The following CCDC149 variants were observed in gnomAD, a reference collection of about 807,000 sequenced individuals.
The protein encoded by CCDC149 is coiled-coil domain containing 149.
CCDC149 carries 45 observed loss-of-function variants against 59.9 expected under a neutral mutation model. The observed-to-expected ratio is 0.75, with a 90% CI of 0.59 to 0.96. CCDC149 has a LOEUF of 0.96. Among genes scored for constraint, CCDC149 ranks in the 40% least tolerant of loss-of-function variants. CCDC149 has a pLI of 0.00. For synonymous variants in CCDC149, 245 were observed against 260.6 expected (o/e 0.94, Z 0.58); for missense variants, 584 against 664.7 (o/e 0.88, Z 1.33).
chr4:24,813,700 C>T (rs1388259582), intron 12 of CCDC149, among the ~76,000 whole-genome samples: 1 of 151,772 alleles, frequency 6.6e-6, no homozygotes, highest in Non-Finnish European at 1.5e-5. Context: ...TGGTGTTGAG[C>T]ATTTCTTAAT....
At position 24,808,138 on chromosome 4, in the gene CCDC149, G is replaced by A. The variant is rs1049267678; in HGVS notation, c.*251C>T. ...TATGGTGGACACGATTCCTGGGCCTGGCCCTGTTCACAGTAGCACTCTCTG... is the reference window on the plus strand; with the variant it reads ...TATGGTGGACACGATTCCTGGGCCTAGCCCTGTTCACAGTAGCACTCTCTG... On this transcript the variant is annotated 3_prime_UTR_variant, in exon 13 of 13. Transcript: ENST00000635206. 8.8e-6 allele frequency: 3 copies of A among 339,006 alleles called. No homozygotes were observed. The highest frequency in any genetic ancestry group is 4.2e-5 in the African/African-American group (2 of 47,408). The allele number at this position is 339,006 out of a possible 1,614,324, so 21.0% of individuals were successfully genotyped here.
intron 6 of CCDC149, among the ~76,000 whole-genome samples, chr4:24,836,904 T>C (rs1242691251): frequency 6.6e-6 from 1 of 152,154 alleles, no homozygotes; most frequent in Non-Finnish European, 1.5e-5. Flanking sequence ...TAAGGGAATT[T>C]CTCAATTCAT....
chr4:24,977,063 G>T (rs946144752), intron 1 of CCDC149, among the ~76,000 whole-genome samples: 1 of 152,166 alleles, frequency 6.6e-6, no homozygotes, highest in African/African-American at 2.4e-5. Flanking sequence ...TGTGGTTTCT[G>T]CTTGCCCGGG....
chr4:24,950,061 G>C (rs1723239283), intron 1 of CCDC149, among the ~76,000 whole-genome samples: 1 of 152,184 alleles, frequency 6.6e-6, no homozygotes, highest in Non-Finnish European at 1.5e-5. Context: ...ATCTCTGCAG[G>C]GGTCACCCCT....
At position 24,806,470 on chromosome 4, in the gene CCDC149, T is replaced by G. The variant is rs1346578074; in HGVS notation, c.*1919A>C. ...CTGAAGATGTGCATCTGGCCGATGG[T>G]GGGTCAAAACCAGAGTTCTGCAGGC... On this transcript the variant is annotated 3_prime_UTR_variant, in exon 13 of 13. Coordinates refer to ENST00000635206, the MANE Select transcript of CCDC149 (RefSeq NM_001330643.2). 1 of 152,230 alleles carries G rather than the reference T, an allele frequency of 6.6e-6. No homozygotes were observed. Among genetic ancestry groups the G allele is most frequent in the Non-Finnish European group, 1.5e-5 (1 of 68,058 alleles). The allele number at this position is 152,230 out of a possible 1,614,324, so 9.4% of individuals were successfully genotyped here. A position where few individuals can be genotyped will look rare whatever the true frequency, so the allele number is the denominator to read the frequency against.
intron 12 of CCDC149, among the ~76,000 whole-genome samples, chr4:24,816,740 C>A (rs189457109): frequency 6.6e-6 from 1 of 152,016 alleles, no homozygotes; most frequent in African/African-American, 2.4e-5. Context: ...ATGCAATCAA[C>A]GGCTACAAAC....
chr4:24,808,829 G>T lies in CCDC149; in HGVS notation c.1193-10C>A. On this transcript the variant is annotated splice_polypyrimidine_tract_variant and intron_variant, in intron 12 of 12. Coordinates refer to ENST00000635206, the MANE Select transcript of CCDC149 (RefSeq NM_001330643.2). ...TGCTTCTGAGCCTCCCCTGAAAACAGAACGAGGACAACATTAAACCTCTGG... is the reference window on the plus strand; with the variant it reads ...TGCTTCTGAGCCTCCCCTGAAAACATAACGAGGACAACATTAAACCTCTGG... 6.5e-7 allele frequency: 1 copy of T among 1,538,958 alleles called. No individual in the cohort carries two copies. The highest frequency in any genetic ancestry group is 1.2e-5 in the South Asian group (1 of 81,894).
At chr4:24,891,846 T>A (rs1016450713) in intron 1 of CCDC149, among the ~76,000 whole-genome samples, 4 of 151,826 alleles carry the variant, frequency 2.6e-5, no homozygotes, top group East Asian at 1.9e-4. Context: ...AATTTTTTTT[T>A]AAATTAGCTG....
At chr4:24,936,585 G>T (rs573057269) in intron 1 of CCDC149, among the ~76,000 whole-genome samples, 57 of 152,052 alleles carry the variant, frequency 3.7e-4, no homozygotes, top group Admixed American at 9.2e-4. Context: ...TCCTCTTTCC[G>T]CTTTCTTGAA....
At chr4:24,958,607 C>T (rs1430822821) in intron 1 of CCDC149, among the ~76,000 whole-genome samples, 1 of 152,162 alleles carries the variant, frequency 6.6e-6, no homozygotes, top group South Asian at 2.1e-4. Context: ...TCAACTCTAA[C>T]TTCCAGAGAT....
intron 1 of CCDC149, among the ~76,000 whole-genome samples, chr4:24,958,361 A>G (rs1723533774): frequency 1.3e-5 from 2 of 152,190 alleles, no homozygotes; most frequent in Admixed American, 1.3e-4. Context: ...GCAGTGCCTC[A>G]GACTACCTAT....
At position 24,838,391 on chromosome 4, in the gene CCDC149, A is replaced by G; in HGVS notation, c.373-119T>C. ...GATACTTTCAAGAAATACTGGAGAAAGCACAAAACAATTACTTGCCAGTAT... is the reference window on the plus strand; with the variant it reads ...GATACTTTCAAGAAATACTGGAGAAGGCACAAAACAATTACTTGCCAGTAT... On this transcript the variant is annotated intron_variant, in intron 4 of 12. Transcript: ENST00000635206. 4.2e-6 allele frequency: 3 copies of G among 708,022 alleles called. No individual in the cohort carries two copies. The South Asian group carries it at 5.0e-5, about 12-fold the overall frequency. The allele number at this position is 708,022 out of a possible 1,614,324, so 43.9% of individuals were successfully genotyped here.
chr4:24,847,874 A>T (rs2109169876), intron 4 of CCDC149, among the ~76,000 whole-genome samples: 1 of 152,284 alleles, frequency 6.6e-6, no homozygotes, highest in East Asian at 1.9e-4. Context: ...TGGTAACCTG[A>T]CATTTGTCAT....
Position 24,895,516 on chromosome 4 carries a change from T to C in CCDC149, c.63+17301A>G, listed in dbSNP as rs117066344. ...TCTAAATTTGGAGGGTGCAGTGAAT[T>C]TACATTGCTCGGTGTTTAAAGTTAA... On this transcript the variant is annotated intron_variant, in intron 1 of 12. Transcript: ENST00000635206. Among the ~76,000 whole-genome samples, 200 of 152,288 alleles carry C rather than the reference T, an allele frequency of 1.3e-3. 7 individuals are homozygous for C. In the East Asian group the frequency reaches 0.03, roughly 23 times the overall value.
intron 1 of CCDC149, among the ~76,000 whole-genome samples, chr4:24,952,789 T>A (rs2109356165): frequency 6.6e-6 from 1 of 151,506 alleles, no homozygotes; most frequent in South Asian, 2.1e-4. Context: ...ACTCTTTTTA[T>A]CTTGCAAAAC....
intron 3 of CCDC149, among the ~76,000 whole-genome samples, chr4:24,856,348 C>G (rs1718007674): frequency 6.6e-6 from 1 of 152,122 alleles, no homozygotes; most frequent in African/African-American, 2.4e-5. Context: ...GAATGGGTGA[C>G]ATTACATTAA....
chr4:24,861,138 CTA>C (rs1718350273), intron 3 of CCDC149, among the ~76,000 whole-genome samples: 1 of 152,056 alleles, frequency 6.6e-6, no homozygotes, highest in African/African-American at 2.4e-5. Flanking sequence ...AAAGAAGTCA[CTA>C]TATGAAAAAC....
intron 1 of CCDC149, among the ~76,000 whole-genome samples, chr4:24,924,850 A>G (rs1722393051): frequency 6.6e-6 from 1 of 152,204 alleles, no homozygotes; most frequent in African/African-American, 2.4e-5. Context: ...GTTTCATTTT[A>G]AAGAAGCTTG....
chr4:24,813,174 C>T (rs1404283198), intron 12 of CCDC149, among the ~76,000 whole-genome samples: 1 of 152,048 alleles, frequency 6.6e-6, no homozygotes, highest in Non-Finnish European at 1.5e-5. Flanking sequence ...TCTTTCTCTG[C>T]CATTTGAGGA....
Sources: gnomAD v4.1 joint callset for allele counts (sites outside exome capture counted in the v4.1 genomes callset) on GRCh38, gnomAD v4.1.1 for gene constraint, MANE v1.5 for transcripts, NCBI Gene and HGNC (gene_info 2026-07-23, HGNC 2026-07-21) for gene names.